GPR89B: variants seen among roughly 807,000 people sequenced by gnomAD.
GPR89B encodes the protein golgi pH regulator B.
In GPR89B, 25 loss-of-function variants were observed where a neutral mutation model predicts 52.4. The ratio of observed to expected loss-of-function variants is 0.48; its 90% CI spans 0.35 to 0.67. The LOEUF is 0.67. GPR89B is among the 30% of genes least tolerant of loss of function. GPR89B has a pLI of 0.01. For synonymous variants in GPR89B, 52 were observed against 151.2 expected (o/e 0.34, Z 4.81); for missense variants, 146 against 450.2 (o/e 0.32, Z 6.11).
At chr1:148,008,784 T>C in the GPR89B span, among the ~76,000 whole-genome samples, 3 of 152,190 alleles carry the variant, frequency 2.0e-5, no homozygotes, top group Non-Finnish European at 4.4e-5. Flanking sequence ...GGGGCTGAGC[T>C]GCAGCTGAGG....
At chr1:148,009,167 G>A in the GPR89B span, among the ~76,000 whole-genome samples, 1 of 152,152 alleles carries the variant, frequency 6.6e-6, no homozygotes, top group Non-Finnish European at 1.5e-5. Flanking sequence ...AACTGTGCAA[G>A]GCAAGGGAAA....
chr1:148,007,399 A>G, the GPR89B span, among the ~76,000 whole-genome samples: 1 of 152,020 alleles, frequency 6.6e-6, no homozygotes, highest in Non-Finnish European at 1.5e-5. Context: ...TTATTGATAC[A>G]TAACATTTGT....
At chr1:147,992,457 G>A in intron 12 of GPR89B, 45 bp from the exon 13 acceptor site, 2 of 1,603,138 alleles carry the variant, frequency 1.2e-6, no homozygotes, top group South Asian at 2.2e-5. Context: ...CGTGACACAG[G>A]AATCTAACAG....
At chr1:147,950,076 TC>T (rs1219863117) in intron 5 of GPR89B, among the ~76,000 whole-genome samples, 2 of 87,752 alleles carry the variant, frequency 2.3e-5, no homozygotes, top group Non-Finnish European at 4.7e-5. Context: ...GGGGGGCTGA[TC>T]CCCCCACCTC....
chr1:147,929,581 C>T (rs587728663), intron 1 of GPR89B, among the ~76,000 whole-genome samples: 1 of 152,310 alleles, frequency 6.6e-6, no homozygotes, highest in African/African-American at 2.4e-5. Flanking sequence ...TTCTTTCTCT[C>T]AAACGGCAAA....
chr1:148,006,629 C>G, the GPR89B span, among the ~76,000 whole-genome samples: 1 of 151,976 alleles, frequency 6.6e-6, no homozygotes, highest in South Asian at 2.1e-4. Flanking sequence ...TTAACAATAA[C>G]TGAGCTAATC....
chr1:147,950,973 G>A (rs2149055802), intron 5 of GPR89B, among the ~76,000 whole-genome samples: 1 of 152,300 alleles, frequency 6.6e-6, no homozygotes, highest in East Asian at 1.9e-4. Flanking sequence ...GGGAGAGGGA[G>A]AGGGAGAGGG....
the GPR89B span, among the ~76,000 whole-genome samples, chr1:148,012,516 GC>G: frequency 2.3e-4 from 14 of 62,008 alleles, no homozygotes; most frequent in Admixed American, 6.1e-4. Flanking sequence ...CACCCCCGCA[GC>G]CCCCTCCTCT....
the GPR89B span, among the ~76,000 whole-genome samples, chr1:147,998,677 C>T: frequency 2.0e-5 from 3 of 150,840 alleles, no homozygotes; most frequent in Non-Finnish European, 4.4e-5. Context: ...GTCAGGAGTT[C>T]GAGACCAGCC....
intron 5 of GPR89B, among the ~76,000 whole-genome samples, chr1:147,945,857 G>A (rs1205664991): frequency 1.3e-5 from 2 of 150,964 alleles, no homozygotes; most frequent in Non-Finnish European, 3.0e-5. Flanking sequence ...CCTGAGTAAC[G>A]GGGACTATGG....
chr1:147,960,500 A>G (rs1656452893), intron 7 of GPR89B, among the ~76,000 whole-genome samples: 1 of 152,110 alleles, frequency 6.6e-6, no homozygotes, highest in South Asian at 2.1e-4. Context: ...CAGTAACGGA[A>G]ATAAAAATTT....
intron 5 of GPR89B, among the ~76,000 whole-genome samples, chr1:147,950,740 G>A (rs1655604610): frequency 6.6e-6 from 1 of 152,134 alleles, no homozygotes; most frequent in African/African-American, 2.4e-5. Context: ...AGACCAGCCC[G>A]GCCAACACAG....
rs1328068744 is a variant in GPR89B at position 147,968,941 on chromosome 1, C to T, written c.794C>T (p.Thr265Ile). The stretch of plus-strand genomic sequence containing the variant: ...TTAAGCAGGCAGCTTTTTCTGGAAA[C>T]AGCTGATCTATATGCTACCAAGGTA... Reference protein sequence around the residue: ...EELSRQLFLETADLYATKERI... With the variant: ...EELSRQLFLEIADLYATKERI... Residue 265 changes from threonine (T) to isoleucine (I), a missense_variant, in exon 9 of 14, where the codon ACA (threonine) becomes ATA (isoleucine). Coordinates refer to ENST00000314163, the MANE Select transcript of GPR89B (RefSeq NM_016334.5). 1.3e-5 allele frequency: 21 copies of T among 1,609,144 alleles called. No individual in the cohort carries two copies. The highest frequency in any genetic ancestry group is 1.7e-5 in the Non-Finnish European group (20 of 1,177,054).
At chr1:148,016,846 T>C in the GPR89B span, among the ~76,000 whole-genome samples, 5 of 151,124 alleles carry the variant, frequency 3.3e-5, no homozygotes, top group African/African-American at 1.2e-4. Context: ...GATAATCTTT[T>C]CATTTAAAAA....
intron 10 of GPR89B, among the ~76,000 whole-genome samples, chr1:147,983,932 G>A (rs1658462396): frequency 6.6e-6 from 1 of 151,956 alleles, no homozygotes; most frequent in South Asian, 2.1e-4. Flanking sequence ...CAACCCAAAT[G>A]TCCAACAATG....
At chr1:147,990,902 T>C (rs1659017469) in intron 12 of GPR89B, among the ~76,000 whole-genome samples, 1 of 151,798 alleles carries the variant, frequency 6.6e-6, no homozygotes, top group Non-Finnish European at 1.5e-5. Flanking sequence ...AGCTTTGTTC[T>C]TTTGGCTTAG....
intron 10 of GPR89B, among the ~76,000 whole-genome samples, chr1:147,972,687 T>C (rs1242183744): frequency 1.3e-5 from 2 of 151,526 alleles, no homozygotes; most frequent in Non-Finnish European, 2.9e-5. Context: ...CTGAGGTACA[T>C]GTGCAGGATG....
chr1:147,930,701 G>A (rs1217984725), intron 1 of GPR89B, among the ~76,000 whole-genome samples: 1 of 152,034 alleles, frequency 6.6e-6, no homozygotes, highest in African/African-American at 2.4e-5. Context: ...ATTGAATCTT[G>A]CTCACCACGG....
the GPR89B span, among the ~76,000 whole-genome samples, chr1:148,017,230 AC>A: frequency 6.6e-6 from 1 of 151,240 alleles, no homozygotes. Flanking sequence ...TTTAGTAGAG[AC>A]AGGGGTTTCA....
Sources: gnomAD v4.1 joint callset for allele counts (sites outside exome capture counted in the v4.1 genomes callset) on GRCh38, gnomAD v4.1.1 for gene constraint, MANE v1.5 for transcripts, NCBI Gene and HGNC (gene_info 2026-07-23, HGNC 2026-07-21) for gene names.